ACACA: variants seen among roughly 807,000 people sequenced by gnomAD.
ACACA encodes acetyl-CoA carboxylase alpha, also known as acetyl-CoA carboxylase 1.
ACACA carries 103 observed loss-of-function variants against 296.1 expected under a neutral mutation model. The ratio of observed to expected loss-of-function variants is 0.35; its 90% CI spans 0.30 to 0.41. ACACA has a LOEUF of 0.41. Among genes scored for constraint, ACACA ranks in the 10% least tolerant of loss-of-function variants. The pLI is 1.00. For synonymous variants in ACACA, 953 were observed against 1,038.6 expected (o/e 0.92, Z 1.58); for missense variants, 1,554 against 2,989.7 (o/e 0.52, Z 11.20).
intron 14 of ACACA, 56 bp from the exon 15 acceptor site, chr17:37,253,092 A>G (rs888357071): frequency 1.9e-5 from 30 of 1,613,186 alleles, no homozygotes; most frequent in Middle Eastern, 1.6e-4. Flanking sequence ...GTTTTTCAAT[A>G]ATTTTAAAGA....
chr17:37,311,926 A>T (rs2084170424), intron 3 of ACACA, among the ~76,000 whole-genome samples: 1 of 151,932 alleles, frequency 6.6e-6, no homozygotes, highest in Non-Finnish European at 1.5e-5. Flanking sequence ...AAAGCTTCAT[A>T]GCAGAGGCAG....
At chr17:37,105,743 A>G (rs1448945387) in intron 52 of ACACA, among the ~76,000 whole-genome samples, 1 of 151,378 alleles carries the variant, frequency 6.6e-6, no homozygotes, top group Non-Finnish European at 1.5e-5. Flanking sequence ...GCATGCCTAT[A>G]ATCCTAGCTA....
chr17:37,206,681 G>T, intron 32 of ACACA, 102 bp downstream of exon 32: 1 of 968,966 alleles, frequency 1.0e-6, no homozygotes, highest in Non-Finnish European at 1.6e-6. Flanking sequence ...GGGGTAAAAG[G>T]ATGAATTCTT....
chr17:37,242,012 C>G lies in ACACA; in HGVS notation c.2973G>C (p.Arg991=), dbSNP rs1472017176. ...TAAAGAAGACTTCCCGTTCAGATTT[C>G]CGGTTCAATGTAGCTGCATGGCTAT... ...ILDSHAATLN[R]KSEREVFFMN... The change falls in exon 23 of 56, where the codon CGG becomes CGC. Residue 991 remains arginine (R), a synonymous_variant. Coordinates refer to ENST00000616317, the MANE Select transcript of ACACA (RefSeq NM_198834.3). 2 of 1,613,606 alleles carry G rather than the reference C, an allele frequency of 1.2e-6. No homozygotes were observed. The highest frequency in any genetic ancestry group is 2.7e-5 in the African/African-American group (2 of 74,776).
intron 1 of ACACA, among the ~76,000 whole-genome samples, chr17:37,393,963 A>G (rs2050986851): frequency 6.6e-6 from 1 of 152,152 alleles, no homozygotes; most frequent in Non-Finnish European, 1.5e-5. Flanking sequence ...CTGACTCCCT[A>G]ATCCATTAAT....
intron 3 of ACACA, among the ~76,000 whole-genome samples, chr17:37,311,991 C>T (rs1598459551): frequency 6.6e-6 from 1 of 152,064 alleles, no homozygotes; most frequent in Admixed American, 6.6e-5. Flanking sequence ...GTGACTCACA[C>T]TTGTAATCCT....
At chr17:37,118,504 AG>A (rs2074365973) in intron 50 of ACACA, among the ~76,000 whole-genome samples, 2 of 152,204 alleles carry the variant, frequency 1.3e-5, no homozygotes, top group African/African-American at 4.8e-5. Context: ...CCCAAAGTAG[AG>A]GGGAAGTAGG....
chr17:37,317,027 T>G (rs1398895736), intron 3 of ACACA, among the ~76,000 whole-genome samples: 1 of 149,174 alleles, frequency 6.7e-6, no homozygotes, highest in African/African-American at 2.5e-5. Context: ...TGAGCCGTGA[T>G]CATGCCACTG....
At chr17:37,145,593 C>T (rs2075775634) in intron 45 of ACACA, among the ~76,000 whole-genome samples, 1 of 152,214 alleles carries the variant, frequency 6.6e-6, no homozygotes, top group Non-Finnish European at 1.5e-5. Context: ...TTCAGTGAAA[C>T]TTAGGGACAT....
intron 35 of ACACA, among the ~76,000 whole-genome samples, chr17:37,197,125 T>C (rs961546671): frequency 1.3e-5 from 2 of 152,296 alleles, no homozygotes; most frequent in Middle Eastern, 3.4e-3. Context: ...ACAGACACCC[T>C]AAAAATGTTT....
intron 1 of ACACA, among the ~76,000 whole-genome samples, chr17:37,375,150 T>C (rs1361460117): frequency 6.6e-6 from 1 of 151,148 alleles, no homozygotes; most frequent in African/African-American, 2.4e-5. Context: ...GCCAAGATTA[T>C]GCCACTGCAC....
chr17:37,252,040 C>G lies in ACACA; in HGVS notation c.2046G>C (p.Arg682=). 6.2e-7 allele frequency: 1 copy of G among 1,614,180 alleles called. No individual in the cohort carries two copies. The highest frequency in any genetic ancestry group is 8.5e-7 in the Non-Finnish European group (1 of 1,180,026). The change falls in exon 16 of 56, where the codon CGG becomes CGC. Residue 682 remains arginine, a synonymous_variant. Transcript: ENST00000616317. ...AGTGAAGGAAGTTAGAGACGCTATTCCGCAGGCTCACATCTGCCACGTGGA... is the reference window on the plus strand; with the variant it reads ...AGTGAAGGAAGTTAGAGACGCTATTGCGCAGGCTCACATCTGCCACGTGGA... ...GALHVADVSL[R]NSVSNFLHSL...
chr17:37,186,589 CA>C (rs772722275), intron 39 of ACACA, among the ~76,000 whole-genome samples: 1 of 152,222 alleles, frequency 6.6e-6, no homozygotes, highest in Non-Finnish European at 1.5e-5. Context: ...CTCCTTTTGT[CA>C]GTTCCCACGT....
intron 39 of ACACA, among the ~76,000 whole-genome samples, chr17:37,186,394 C>A (rs2077532404): frequency 1.3e-5 from 2 of 152,108 alleles, no homozygotes; most frequent in Admixed American, 6.6e-5. Context: ...TGCTTTTTCT[C>A]TTTATACGCA....
chr17:37,305,100 C>A (rs1598442966), intron 3 of ACACA, among the ~76,000 whole-genome samples: 1 of 152,112 alleles, frequency 6.6e-6, no homozygotes, highest in African/African-American at 2.4e-5. Flanking sequence ...AAACATGGGT[C>A]ACATTTTCCT....
chr17:37,339,706 G>A (rs1597644080), intron 2 of ACACA, 98 bp downstream of exon 2: 1 of 790,922 alleles, frequency 1.3e-6, no homozygotes, highest in East Asian at 2.5e-5. Flanking sequence ...TTATTTTGTG[G>A]AAGTCAACTT....
chr17:37,127,661 T>G (rs1435834771), intron 47 of ACACA, among the ~76,000 whole-genome samples: 1 of 152,034 alleles, frequency 6.6e-6, no homozygotes, highest in Non-Finnish European at 1.5e-5. Context: ...CTGGCCAACA[T>G]GGTGAAACCC....
At chr17:37,281,743 G>A (rs1199497524) in intron 5 of ACACA, among the ~76,000 whole-genome samples, 4 of 152,106 alleles carry the variant, frequency 2.6e-5, no homozygotes, top group African/African-American at 9.7e-5. Context: ...GCACACACCT[G>A]TAGTCCCAGC....
chr17:37,228,362 C>T (rs143433730), intron 25 of ACACA, among the ~76,000 whole-genome samples: 40 of 151,986 alleles, frequency 2.6e-4, no homozygotes, highest in African/African-American at 8.4e-4. Flanking sequence ...ACCCATTTCA[C>T]CCAGATAATT....
Sources: gnomAD v4.1 joint callset for allele counts (sites outside exome capture counted in the v4.1 genomes callset) on GRCh38, gnomAD v4.1.1 for gene constraint, MANE v1.5 for transcripts, NCBI Gene and HGNC (gene_info 2026-07-23, HGNC 2026-07-21) for gene names.